FOCAD: variants seen among roughly 807,000 people sequenced by gnomAD.
FOCAD encodes the protein KIAA1797.
A neutral mutation model predicts 225.6 loss-of-function variants in FOCAD; 198 were observed. The ratio of observed to expected loss-of-function variants is 0.88; its 90% CI spans 0.78 to 0.99. The LOEUF (loss-of-function observed/expected upper bound fraction) is 0.99. Among genes scored for constraint, FOCAD ranks in the 50% least tolerant of loss-of-function variants. FOCAD has a pLI of 0.00. For missense variants in FOCAD, 2,713 were observed against 2,123.6 expected, an observed-to-expected ratio of 1.28 and a Z score of -5.46; for synonymous variants, 897 against 755.0, an observed-to-expected ratio of 1.19 and a Z score of -3.08.
chr9:20,863,706 C>T (rs1049808819), intron 16 of FOCAD, among the ~76,000 whole-genome samples: 2 of 152,070 alleles, frequency 1.3e-5, no homozygotes, highest in Non-Finnish European at 2.9e-5. Flanking sequence ...TTCACAGGCA[C>T]TTGCTCTTAT....
rs1270760176 is a variant in FOCAD at position 20,995,731 on chromosome 9, G to A, written c.*102G>A. On this transcript the variant is annotated 3_prime_UTR_variant, in exon 44 of 44. Transcript: ENST00000338382. Reference sequence around the variant, plus strand: ...ATGCCTGGTATTGCTGAGACATGATGCAGAGAGTTAAGGGTCATGAAAAGA... The same window carrying A: ...ATGCCTGGTATTGCTGAGACATGATACAGAGAGTTAAGGGTCATGAAAAGA... 2 of 1,043,266 alleles carry A rather than the reference G, an allele frequency of 1.9e-6. No individual in the cohort carries two copies. Among genetic ancestry groups the A allele is most frequent in the Non-Finnish European group, 2.9e-6 (2 of 685,854 alleles). The allele number at this position is 1,043,266 out of a possible 1,614,324, so 64.6% of individuals were successfully genotyped here.
intron 1 of FOCAD, among the ~76,000 whole-genome samples, chr9:20,704,784 A>AT (rs1398479017): frequency 3.9e-5 from 6 of 152,166 alleles, no homozygotes; most frequent in African/African-American, 9.7e-5. Flanking sequence ...GCTTTCAGTG[A>AT]TTTGGGTGTC....
intron 15 of FOCAD, among the ~76,000 whole-genome samples, chr9:20,853,376 G>T (rs751941868): frequency 1.1e-4 from 17 of 151,732 alleles, no homozygotes; most frequent in Admixed American, 2.0e-4. Context: ...AAATGTCTCT[G>T]TTTTTACTTG....
At chr9:20,938,287 T>C (rs1292434427) in intron 28 of FOCAD, among the ~76,000 whole-genome samples, 1 of 152,170 alleles carries the variant, frequency 6.6e-6, no homozygotes, top group African/African-American at 2.4e-5. Flanking sequence ...ACACGTATGT[T>C]TATTGCGGCA....
At chr9:20,851,663 T>A (rs187605967) in intron 15 of FOCAD, among the ~76,000 whole-genome samples, 1 of 152,008 alleles carries the variant, frequency 6.6e-6, no homozygotes, top group East Asian at 1.9e-4. Flanking sequence ...ACTCTAGACC[T>A]ACTGAGTTAG....
intron 2 of FOCAD, among the ~76,000 whole-genome samples, chr9:20,672,288 T>C (rs1484344751): frequency 6.6e-6 from 1 of 152,196 alleles, no homozygotes; most frequent in Non-Finnish European, 1.5e-5. Context: ...ATGGTATAAT[T>C]TTTATAAAGT....
intron 7 of FOCAD, among the ~76,000 whole-genome samples, chr9:20,767,521 C>G (rs1217600751): frequency 2.0e-5 from 3 of 151,756 alleles, no homozygotes; most frequent in Admixed American, 6.6e-5. Context: ...GCCATTCTAA[C>G]TGGTGTGAGA....
intron 7 of FOCAD, among the ~76,000 whole-genome samples, chr9:20,766,306 A>C (rs181384015): frequency 3.3e-5 from 5 of 152,250 alleles, no homozygotes; most frequent in African/African-American, 1.2e-4. Flanking sequence ...TGACAGTAGC[A>C]TACTTAATCA....
intron 8 of FOCAD, among the ~76,000 whole-genome samples, chr9:20,778,089 C>CA (rs1184354592): frequency 0.2 from 16,694 of 83,638 alleles, 2,938 homozygotes; most frequent in Non-Finnish European, 0.23. Context: ...GACTCCGTCT[C>CA]AAAAAAAAAA....
intron 2 of FOCAD, among the ~76,000 whole-genome samples, chr9:20,672,730 C>T (rs1432770961): frequency 6.6e-6 from 1 of 152,156 alleles, no homozygotes; most frequent in Non-Finnish European, 1.5e-5. Flanking sequence ...GGATTACAGG[C>T]GTGAGCCACT....
In FOCAD at chr9:20,770,036, A is replaced by G; in HGVS notation, c.704A>G (p.Lys235Arg). 1 of 1,613,554 alleles carries G rather than the reference A, an allele frequency of 6.2e-7. No homozygotes were observed. Among genetic ancestry groups the G allele is most frequent in the East Asian group, 2.2e-5 (1 of 44,862 alleles). The change falls in exon 8 of 44, where the codon AAA becomes AGA. Residue 235 changes from lysine to arginine, a missense_variant. Physicochemically the swap from Lys to Arg is conservative, Grantham distance 26. Transcript: ENST00000338382. ...CCDIVPCLQV[K>R]DLIQTTEAMM... The stretch of plus-strand genomic sequence containing the variant: ...TATAATGACTTTTTTAAACAGGTAA[A>G]AGATTTGATACAGACAACAGAGGCG...
At chr9:20,958,448 A>T (rs1466307536) in intron 35 of FOCAD, among the ~76,000 whole-genome samples, 5 of 152,166 alleles carry the variant, frequency 3.3e-5, no homozygotes, top group Non-Finnish European at 7.3e-5. Context: ...CATGGAGTAC[A>T]TAGAGATGTT....
At chr9:20,910,495 A>C (rs1833351986) in intron 22 of FOCAD, among the ~76,000 whole-genome samples, 1 of 151,890 alleles carries the variant, frequency 6.6e-6, no homozygotes, top group South Asian at 2.1e-4. Context: ...TTGTGTGTGT[A>C]TCTTTGTTTT....
intron 11 of FOCAD, among the ~76,000 whole-genome samples, chr9:20,800,821 A>G (rs1048656163): frequency 1.3e-5 from 2 of 151,746 alleles, no homozygotes; most frequent in African/African-American, 4.8e-5. Context: ...GAGAAGTTTG[A>G]TGTTCTGAAG....
intron 4 of FOCAD, among the ~76,000 whole-genome samples, chr9:20,725,418 T>C (rs746558622): frequency 9.2e-5 from 14 of 152,170 alleles, no homozygotes; most frequent in Non-Finnish European, 1.9e-4. Context: ...CTACTATCCT[T>C]CAGGAACTGA....
intron 15 of FOCAD, among the ~76,000 whole-genome samples, chr9:20,824,928 G>C (rs1351085723): frequency 3.3e-5 from 5 of 151,990 alleles, no homozygotes; most frequent in Admixed American, 2.6e-4. Flanking sequence ...CTTACTAAGT[G>C]TTATATACCA....
Position 20,765,035 on chromosome 9 carries a change from A to G in FOCAD, c.661A>G (p.Ile221Val). 1.9e-6 allele frequency: 3 copies of G among 1,614,070 alleles called. No homozygotes were observed. Among genetic ancestry groups the G allele is most frequent in the Non-Finnish European group, 2.5e-6 (3 of 1,179,994 alleles). The change falls in exon 7 of 44, where the codon ATA becomes GTA. Residue 221 changes from isoleucine (I) to valine (V), a missense_variant. Coordinates refer to ENST00000338382, the MANE Select transcript of FOCAD (RefSeq NM_001375567.1). ...TCAACCATCAATACTGGAACAGCAG[A>G]TACTTCAACTGTGTTGTGACATAGT... is the stretch of plus-strand genomic sequence containing the variant. Reference protein sequence around the residue: ...KDQPSILEQQILQLCCDIVPC... With the variant: ...KDQPSILEQQVLQLCCDIVPC...
chr9:20,752,600 C>T (rs1207894849), intron 5 of FOCAD, among the ~76,000 whole-genome samples: 1 of 152,066 alleles, frequency 6.6e-6, no homozygotes, highest in African/African-American at 2.4e-5. Context: ...TGTGATGCCT[C>T]CAGCTTTGTT....
At chr9:20,776,650 C>T (rs1202612188) in intron 8 of FOCAD, among the ~76,000 whole-genome samples, 2 of 152,218 alleles carry the variant, frequency 1.3e-5, no homozygotes, top group Admixed American at 1.3e-4. Context: ...TGCCTTCATA[C>T]TTTTAAGTTC....
Sources: gnomAD v4.1 joint callset for allele counts (sites outside exome capture counted in the v4.1 genomes callset) on GRCh38, gnomAD v4.1.1 for gene constraint, MANE v1.5 for transcripts, NCBI Gene and HGNC (gene_info 2026-07-23, HGNC 2026-07-21) for gene names.